The following DRICH1 variants were observed in gnomAD, a reference collection of about 807,000 sequenced individuals.
The protein encoded by DRICH1 is aspartate rich 1.
DRICH1 carries 38 observed loss-of-function variants against 39.5 expected under a neutral mutation model. The observed-to-expected ratio is 0.96, with a 90% CI of 0.74 to 1.26. The LOEUF (loss-of-function observed/expected upper bound fraction) is 1.26, where lower values mean the gene tolerates loss of function less well. Among genes scored for constraint, DRICH1 ranks in the 50% most tolerant of loss-of-function variants. The pLI, the probability that DRICH1 is intolerant of heterozygous loss-of-function variation, is 0.00. For missense variants in DRICH1, 279 were observed against 270.4 expected (o/e 1.03, Z -0.22); for synonymous variants, 84 against 99.5 (o/e 0.84, Z 0.93).
chr22:23,619,138 C>A (rs574429602), intron 6 of DRICH1, among the ~76,000 whole-genome samples: 1 of 148,564 alleles, frequency 6.7e-6, no homozygotes, highest in Non-Finnish European at 1.5e-5. Flanking sequence ...CATCACTGCA[C>A]CCCAGTATGG....
intron 2 of DRICH1, 56 bp from the exon 3 acceptor site, chr22:23,624,960 C>T (rs2877164): frequency 0.28 from 437,841 of 1,573,080 alleles, 64,614 homozygotes; most frequent in African/African-American, 0.55. Flanking sequence ...GCTGCACCCC[C>T]TACACAGATC....
the DRICH1 span, among the ~76,000 whole-genome samples, chr22:23,599,257 G>A: frequency 1.1e-4 from 17 of 152,180 alleles, no homozygotes; most frequent in African/African-American, 2.9e-4. Flanking sequence ...CTTAGGACAC[G>A]TCAGCCTGCT....
At chr22:23,592,877 CACAA>C in the DRICH1 span, among the ~76,000 whole-genome samples, 4 of 130,090 alleles carry the variant, frequency 3.1e-5, no homozygotes, top group African/African-American at 9.0e-5. Context: ...CACACACACA[CACAA>C]AATTAGCTGG....
intron 1 of DRICH1, among the ~76,000 whole-genome samples, chr22:23,629,034 T>A (rs1467996743): frequency 2.1e-5 from 3 of 145,420 alleles, no homozygotes; most frequent in Non-Finnish European, 4.6e-5. Context: ...TCTCTTTAAT[T>A]TTTTGTTTTG....
intron 5 of DRICH1, among the ~76,000 whole-genome samples, chr22:23,620,328 T>G (rs1220914905): frequency 6.6e-6 from 1 of 152,122 alleles, no homozygotes; most frequent in East Asian, 1.9e-4. Context: ...CCACTCTTTA[T>G]AACCACCAAC....
At chr22:23,589,089 GACAC>G in the DRICH1 span, among the ~76,000 whole-genome samples, 22,795 of 143,756 alleles carry the variant, frequency 0.16, 1,784 homozygotes, top group South Asian at 0.2. Context: ...TCTCCCAGCT[GACAC>G]ACACACACAC....
intron 3 of DRICH1, among the ~76,000 whole-genome samples, chr22:23,623,267 T>C (rs1927875454): frequency 6.6e-6 from 1 of 152,056 alleles, no homozygotes; most frequent in African/African-American, 2.4e-5. Context: ...TATCTAGGCA[T>C]GGTGGCACAT....
downstream of DRICH1, among the ~76,000 whole-genome samples, chr22:23,605,920 T>C (rs1200505219): frequency 1.3e-5 from 2 of 151,420 alleles, no homozygotes; most frequent in African/African-American, 4.9e-5. Flanking sequence ...ATCTTTACAA[T>C]AAAAAAATTA....
intron 8 of DRICH1, among the ~76,000 whole-genome samples, chr22:23,615,132 G>A (rs1303203124): frequency 6.6e-6 from 1 of 152,168 alleles, no homozygotes; most frequent in African/African-American, 2.4e-5. Context: ...CCAGCAGTTT[G>A]GGAGGCTGAG....
At chr22:23,590,277 GA>G in the DRICH1 span, among the ~76,000 whole-genome samples, 2 of 137,582 alleles carry the variant, frequency 1.5e-5, no homozygotes, top group Non-Finnish European at 3.2e-5. Context: ...TCAGCCCTTT[GA>G]TTTTTTTTTT....
chr22:23,589,223 G>A, the DRICH1 span, among the ~76,000 whole-genome samples: 934 of 152,096 alleles, frequency 6.1e-3, 16 homozygotes, highest in South Asian at 0.039. Flanking sequence ...GGCCAAGGTG[G>A]GCAGATCTCT....
chr22:23,632,362 C>T (rs1921011381), upstream of DRICH1: 1 of 320,670 alleles, frequency 3.1e-6, no homozygotes. Context: ...ACCCACAAAG[C>T]TTCCTATGTC....
In DRICH1 at chr22:23,614,207, A is replaced by G. The variant is rs773976384; in HGVS notation, c.549T>C (p.Ser183=). 1.2e-5 allele frequency: 20 copies of G among 1,612,832 alleles called. No individual in the cohort carries two copies. The highest frequency in any genetic ancestry group is 4.4e-5 in the South Asian group (4 of 91,072). The change falls in exon 9 of 12, where the codon TCT becomes TCC. Residue 183 remains serine, a synonymous_variant. Coordinates refer to ENST00000317749, the MANE Select transcript of DRICH1 (RefSeq NM_016449.4). ...AGCATCTTAAAAACAGGCTATCTTC[A>G]GAACAAGCTGGAAGGACACAGAGGA... ...QILPSPVQAC[S]EDSLFLRCSL...
At chr22:23,591,951 A>G in the DRICH1 span, among the ~76,000 whole-genome samples, 1 of 151,724 alleles carries the variant, frequency 6.6e-6, no homozygotes, top group Non-Finnish European at 1.5e-5. Context: ...GAGGGGGAGC[A>G]GGCCCTCTGC....
intron 3 of DRICH1, among the ~76,000 whole-genome samples, chr22:23,623,422 G>T (rs962728562): frequency 1.3e-5 from 2 of 151,668 alleles, no homozygotes; most frequent in African/African-American, 2.4e-5. Flanking sequence ...AAAAAGAAAA[G>T]AAAAAAATAG....
chr22:23,592,875 C>CAA, the DRICH1 span, among the ~76,000 whole-genome samples: 5 of 137,634 alleles, frequency 3.6e-5, no homozygotes, highest in African/African-American at 1.4e-4. Context: ...CACACACACA[C>CAA]ACACAAAATT....
At chr22:23,623,769 A>G (rs1415922930) in intron 3 of DRICH1, 1 of 186,252 alleles carries the variant, frequency 5.4e-6, no homozygotes, top group Non-Finnish European at 1.0e-5. Flanking sequence ...AAATTCAGAC[A>G]GCATGCTTCT....
chr22:23,596,444 A>AT, the DRICH1 span, among the ~76,000 whole-genome samples: 20,919 of 151,940 alleles, frequency 0.14, 1,549 homozygotes, highest in Middle Eastern at 0.19. Flanking sequence ...ATTTGTGCAA[A>AT]GGGGTCTCAT....
intron 6 of DRICH1, 132 bp downstream of exon 6, chr22:23,619,232 C>A (rs2031744964): frequency 4.0e-5 from 20 of 503,714 alleles, no homozygotes; most frequent in Middle Eastern, 3.2e-4. Flanking sequence ...TTAAATCTAA[C>A]TAATCAGCTG....
Sources: gnomAD v4.1 joint callset for allele counts (sites outside exome capture counted in the v4.1 genomes callset) on GRCh38, gnomAD v4.1.1 for gene constraint, MANE v1.5 for transcripts, NCBI Gene and HGNC (gene_info 2026-07-23, HGNC 2026-07-21) for gene names.